Variants in TAFA4 observed in about 807,000 individuals in gnomAD.
The protein encoded by TAFA4 is TAFA chemokine like family member 4, also known as chemokine-like protein TAFA-4.
Under a neutral mutation model 21.1 loss-of-function variants are expected in TAFA4, and 20 were observed. That is an observed-to-expected ratio of 0.95 (90% CI 0.67 to 1.38). The LOEUF (loss-of-function observed/expected upper bound fraction) is 1.38. Among genes scored for constraint, TAFA4 ranks in the 40% most tolerant of loss-of-function variants. The pLI, the probability that TAFA4 is intolerant of heterozygous loss-of-function variation, is 0.00. For missense variants in TAFA4, 211 were observed against 180.9 expected, an observed-to-expected ratio of 1.17 and a Z score of -0.95; for synonymous variants, 71 against 67.4, an observed-to-expected ratio of 1.05 and a Z score of -0.26.
At chr3:68,930,090 G>A (rs191547209) in intron 1 of TAFA4, among the ~76,000 whole-genome samples, 40 of 152,280 alleles carry the variant, frequency 2.6e-4, no homozygotes, top group Non-Finnish European at 4.9e-4. Flanking sequence ...AAAAGGCTAG[G>A]TACCACTGAA....
intron 3 of TAFA4, among the ~76,000 whole-genome samples, chr3:68,822,893 G>A (rs767301323): frequency 1.3e-5 from 2 of 152,042 alleles, no homozygotes; most frequent in African/African-American, 4.8e-5. Context: ...CATCTATCCT[G>A]GTAAGTCTGC....
At chr3:68,789,811 G>C (rs1191629726) in intron 3 of TAFA4, among the ~76,000 whole-genome samples, 1 of 152,162 alleles carries the variant, frequency 6.6e-6, no homozygotes, top group Non-Finnish European at 1.5e-5. Context: ...GAAAACAAAA[G>C]AAATGCACAC....
chr3:68,881,285 C>G (rs1380001710), intron 2 of TAFA4, among the ~76,000 whole-genome samples: 1 of 152,176 alleles, frequency 6.6e-6, no homozygotes, highest in Admixed American at 6.5e-5. Context: ...TGACTGTACC[C>G]TAAGGCTTTC....
intron 3 of TAFA4, among the ~76,000 whole-genome samples, chr3:68,824,942 C>T (rs1157675464): frequency 6.6e-6 from 1 of 152,152 alleles, no homozygotes; most frequent in East Asian, 1.9e-4. Context: ...GGTCAACTCT[C>T]ACTTACCTCT....
chr3:68,871,534 G>T (rs1272192221), intron 3 of TAFA4, among the ~76,000 whole-genome samples: 1 of 152,090 alleles, frequency 6.6e-6, no homozygotes, highest in Non-Finnish European at 1.5e-5. Context: ...AATTTTTTTA[G>T]TAAGACTTTG....
intron 3 of TAFA4, among the ~76,000 whole-genome samples, chr3:68,834,273 C>T (rs1704469285): frequency 6.6e-6 from 1 of 152,192 alleles, no homozygotes; most frequent in South Asian, 2.1e-4. Flanking sequence ...ACTGCTTTAG[C>T]CATGCCTGGT....
chr3:68,756,982 C>T (rs1692488080), intron 3 of TAFA4, among the ~76,000 whole-genome samples: 1 of 152,098 alleles, frequency 6.6e-6, no homozygotes, highest in Non-Finnish European at 1.5e-5. Context: ...GTCAAACATT[C>T]CCTGACAGCT....
rs370802130 is a variant in TAFA4, at chr3:68,834,515, ATCC to A, written c.130+46212_130+46214del. Among the ~76,000 whole-genome samples the A allele has an allele frequency of 2.7e-3, 414 of 152,258 alleles. 3 individuals are homozygous for A. The highest frequency in any genetic ancestry group is 9.7e-3 in the African/African-American group (404 of 41,544). ...CATCATCATCATCACCATCTTCTGT[ATCC>A]TCCTACTTGATCTTTACCATCTTAT... On this transcript the variant is annotated intron_variant, in intron 3 of 5. Transcript: ENST00000295569.
At chr3:68,783,203 C>T (rs571532501) in intron 3 of TAFA4, among the ~76,000 whole-genome samples, 1 of 152,044 alleles carries the variant, frequency 6.6e-6, no homozygotes, top group East Asian at 1.9e-4. Context: ...TGCATTCCCC[C>T]TAAGACTGGG....
Position 68,781,166 on chromosome 3 carries a change from A to G in TAFA4, c.131-28148T>C, listed in dbSNP as rs532750766. ...GCAGTGACCAAGGGAAATTTACAAA[A>G]ATAGATCCTTATATTCAAAAACAAG... On this transcript the variant is annotated intron_variant, in intron 3 of 5. Transcript: ENST00000295569. Among the ~76,000 whole-genome samples the G allele has an allele frequency of 2.6e-5, 4 of 152,080 alleles. No homozygotes were observed. The South Asian group carries it at 8.3e-4, about 32-fold the overall frequency.
intron 4 of TAFA4, among the ~76,000 whole-genome samples, chr3:68,740,810 G>A (rs1702334784): frequency 6.6e-6 from 1 of 152,092 alleles, no homozygotes; most frequent in Non-Finnish European, 1.5e-5. Flanking sequence ...TCCTTTTCAA[G>A]TTAACTTTTC....
chr3:68,795,066 A>G (rs1365661483), intron 3 of TAFA4, among the ~76,000 whole-genome samples: 1 of 151,356 alleles, frequency 6.6e-6, no homozygotes, highest in Admixed American at 6.6e-5. Flanking sequence ...CTCAGCACAC[A>G]GGGTCTGAGA....
intron 3 of TAFA4, among the ~76,000 whole-genome samples, chr3:68,809,954 T>G (rs1703796305): frequency 6.6e-6 from 1 of 152,228 alleles, no homozygotes; most frequent in Non-Finnish European, 1.5e-5. Flanking sequence ...CCAGGTTGTT[T>G]AATTACTTGC....
At chr3:68,846,966 G>A (rs1479270722) in intron 3 of TAFA4, among the ~76,000 whole-genome samples, 1 of 152,172 alleles carries the variant, frequency 6.6e-6, no homozygotes, top group Non-Finnish European at 1.5e-5. Context: ...CCTGCTGGGA[G>A]GTGTCTCCCA....
chr3:68,808,131 T>C (rs1411301770), intron 3 of TAFA4, among the ~76,000 whole-genome samples: 1 of 151,892 alleles, frequency 6.6e-6, no homozygotes, highest in Non-Finnish European at 1.5e-5. Flanking sequence ...ATCACTAAGA[T>C]AGAAAAGAAA....
intron 1 of TAFA4, among the ~76,000 whole-genome samples, chr3:68,914,862 G>T (rs2089989198): frequency 6.6e-6 from 1 of 151,530 alleles, no homozygotes; most frequent in South Asian, 2.1e-4. Context: ...AATGGTTGGG[G>T]GAAAAAAAGA....
chr3:68,757,611 T>C (rs1039622213), intron 3 of TAFA4, among the ~76,000 whole-genome samples: 2 of 152,232 alleles, frequency 1.3e-5, no homozygotes, highest in Non-Finnish European at 2.9e-5. Context: ...AGAACTCTGT[T>C]GCTATATAAC....
intron 3 of TAFA4, among the ~76,000 whole-genome samples, chr3:68,863,832 A>T (rs565144417): frequency 6.6e-6 from 1 of 152,310 alleles, no homozygotes; most frequent in Non-Finnish European, 1.5e-5. Context: ...AAGGCATTTT[A>T]AAATAAATCT....
At chr3:68,893,211 G>C (rs566024954) in intron 1 of TAFA4, among the ~76,000 whole-genome samples, 3 of 152,274 alleles carry the variant, frequency 2.0e-5, no homozygotes, top group African/African-American at 7.2e-5. Flanking sequence ...TTATCTACAA[G>C]TTGCCAAGTA....
Sources: gnomAD v4.1 joint callset for allele counts (sites outside exome capture counted in the v4.1 genomes callset) on GRCh38, gnomAD v4.1.1 for gene constraint, MANE v1.5 for transcripts, NCBI Gene and HGNC (gene_info 2026-07-23, HGNC 2026-07-21) for gene names.